Variants in EPS8 observed in about 807,000 individuals in gnomAD.
EPS8 encodes the protein epidermal growth factor receptor kinase substrate 8.
In EPS8, 42 loss-of-function variants were observed where a neutral mutation model predicts 103.8. The observed-to-expected ratio is 0.40, with a 90% CI of 0.32 to 0.52. The LOEUF (loss-of-function observed/expected upper bound fraction) is 0.52, where lower values mean the gene tolerates loss of function less well. Among genes scored for constraint, EPS8 ranks in the 20% least tolerant of loss-of-function variants. EPS8 has a pLI of 0.40. For missense variants in EPS8, 969 were observed against 1,005.1 expected (o/e 0.96, Z 0.49); for synonymous variants, 344 against 344.6 (o/e 1.00, Z 0.02).
Position 15,666,591 on chromosome 12 carries a change from G to A in EPS8, c.517-69C>T, listed in dbSNP as rs1258710970. 9 of 1,089,044 alleles carry A rather than the reference G, an allele frequency of 8.3e-6. No individual in the cohort carries two copies. In the Admixed American group the frequency reaches 9.6e-5, roughly 12 times the overall value. 67.5% of individuals were successfully genotyped at this position (1,089,044 alleles called of 1,614,324 possible). A position where few individuals can be genotyped will look rare whatever the true frequency, so the allele number is the denominator to read the frequency against. ...GAGTCTTGATATGTAGTTTAAAACA[G>A]AAAAAGGGATTGTTCCTTGTCTGAA... On this transcript the variant is annotated intron_variant, in intron 6 of 20. Coordinates refer to ENST00000281172, the MANE Select transcript of EPS8 (RefSeq NM_004447.6).
At chr12:15,765,339 T>C (rs894362441) in intron 1 of EPS8, among the ~76,000 whole-genome samples, 3 of 152,120 alleles carry the variant, frequency 2.0e-5, no homozygotes, top group Non-Finnish European at 4.4e-5. Context: ...GGGTCATGGG[T>C]GCACAATTCC....
rs1365041731 is a variant in EPS8 at position 15,778,854 on chromosome 12, G to A, written c.-22+10307C>T. Among the ~76,000 whole-genome samples, 1 of 152,200 alleles carries A rather than the reference G, an allele frequency of 6.6e-6. No individual in the cohort carries two copies. The highest frequency in any genetic ancestry group is 1.5e-5 in the Non-Finnish European group (1 of 68,032). The stretch of plus-strand genomic sequence containing the variant: ...AAAGAAACTATCAAATGCAGAGTTT[G>A]CATGCCCAGGCAGAAAATAAGTCAT... On this transcript the variant is annotated intron_variant, in intron 1 of 20. Transcript: ENST00000281172. The surrounding 1 kb of genome is among the most constrained non-coding windows in gnomAD (Gnocchi z 4.5).
At chr12:15,763,794 A>G (rs537586223) in intron 1 of EPS8, among the ~76,000 whole-genome samples, 1 of 152,250 alleles carries the variant, frequency 6.6e-6, no homozygotes, top group East Asian at 1.9e-4. Context: ...CAAATTCCAG[A>G]ATGATTTCAC....
chr12:15,631,866 A>C, intron 17 of EPS8: 1 of 485,146 alleles, frequency 2.1e-6, no homozygotes, highest in Non-Finnish European at 3.6e-6. Context: ...CAAAGTCAAA[A>C]CATTAGTTAA....
intron 8 of EPS8, among the ~76,000 whole-genome samples, chr12:15,664,120 G>A (rs1031587107): frequency 6.0e-5 from 9 of 149,878 alleles, no homozygotes; most frequent in East Asian, 1.9e-4. Context: ...CCTCTTCATC[G>A]AAACAGTAAC....
At chr12:15,746,153 T>C (rs1232353705) in intron 1 of EPS8, among the ~76,000 whole-genome samples, 1 of 152,192 alleles carries the variant, frequency 6.6e-6, no homozygotes, top group Non-Finnish European at 1.5e-5. Context: ...TAATTTTTCC[T>C]TGAAGCAGGA....
At chr12:15,630,439 A>G (rs75943208) in intron 18 of EPS8, among the ~76,000 whole-genome samples, 4,570 of 152,258 alleles carry the variant, frequency 0.03, 221 homozygotes, top group African/African-American at 0.1. Context: ...AGTTTTCAAA[A>G]TATCTACACT....
rs1444162067 is a variant in EPS8 at position 15,650,989 on chromosome 12, TC to T, written c.1267del (p.Glu423AsnfsTer20). The T allele has an allele frequency of 6.2e-7, 1 of 1,613,804 alleles. No individual in the cohort carries two copies. The highest frequency in any genetic ancestry group is 8.5e-7 in the Non-Finnish European group (1 of 1,179,888). On this transcript the variant is annotated frameshift_variant, in exon 14 of 21. Transcript: ENST00000281172. LOFTEE classifies it high-confidence loss of function. ...WMKARAEWPK[E>X]QFIPPYVPRF... is the part of the protein sequence containing the mutation. Reference sequence around the variant, plus strand: ...TGGAACATATGGTGGAATAAACTGTTCTTTTGGCCACTCTGCTCTGCAGGAG... The same window carrying T: ...TGGAACATATGGTGGAATAAACTGTTTTTTGGCCACTCTGCTCTGCAGGAG...
intron 16 of EPS8, among the ~76,000 whole-genome samples, chr12:15,641,113 G>A (rs1431405534): frequency 2.0e-5 from 3 of 152,026 alleles, no homozygotes; most frequent in Non-Finnish European, 4.4e-5. Flanking sequence ...AAGGACTAAA[G>A]TACTTAAAGG....
At chr12:15,739,441 G>C (rs533342746) in intron 1 of EPS8, among the ~76,000 whole-genome samples, 5 of 152,164 alleles carry the variant, frequency 3.3e-5, no homozygotes, top group Non-Finnish European at 7.4e-5. Flanking sequence ...GGCCTGGGGA[G>C]GAGGATCTGC....
rs367721789 is a variant in EPS8 at position 15,770,288 on chromosome 12, C to CAAA, written c.-22+18870_-22+18872dup. Among the ~76,000 whole-genome samples the CAAA allele has an allele frequency of 7.3e-4, 87 of 119,616 alleles. 3 individuals are homozygous for CAAA. The highest frequency in any genetic ancestry group is 1.7e-3 in the African/African-American group (52 of 30,328). The allele number at this position is 119,616 out of a possible 152,430, so 78.5% of individuals were successfully genotyped here. A position where few individuals can be genotyped will look rare whatever the true frequency, so the allele number is the denominator to read the frequency against. The stretch of plus-strand genomic sequence containing the variant: ...TGCATGACAGAGCGAGACCCTGTCT[C>CAAA]AAAAAAAAAAAAAAAAGAAGAAGAA... On this transcript the variant is annotated intron_variant, in intron 1 of 20. Transcript: ENST00000281172.
In EPS8 at chr12:15,733,977, G is replaced by A. The variant is rs113756583; in HGVS notation, c.-21-51005C>T. ...GGACTCAAGTGATCCTCCCACCTCAGCCTCCCAAGTCAGTGAGACCCTCAG... is the reference window on the plus strand; with the variant it reads ...GGACTCAAGTGATCCTCCCACCTCAACCTCCCAAGTCAGTGAGACCCTCAG... On this transcript the variant is annotated intron_variant, in intron 1 of 20. Coordinates refer to ENST00000281172, the MANE Select transcript of EPS8 (RefSeq NM_004447.6). The surrounding 1 kb of genome is among the most constrained non-coding windows in gnomAD (Gnocchi z 4.8). Among the ~76,000 whole-genome samples the A allele has an allele frequency of 3.1e-3, 475 of 152,114 alleles. 6 individuals carry two copies. Among genetic ancestry groups the A allele is most frequent in the African/African-American group, 9.6e-3 (398 of 41,506 alleles).
rs1342077955 is a variant in EPS8, at chr12:15,779,018, C to A, written c.-22+10143G>T. On this transcript the variant is annotated intron_variant, in intron 1 of 20. Transcript: ENST00000281172. The surrounding 1 kb of genome is among the most constrained non-coding windows in gnomAD (Gnocchi z 4.3). ...TTGAGATGGAGTTTCACTCTTGTTG[C>A]CCAGGCTGGAGTGCAATGGCGCCAT... Among the ~76,000 whole-genome samples the A allele has an allele frequency of 6.6e-6, 1 of 152,096 alleles. No individual in the cohort carries two copies. Among genetic ancestry groups the A allele is most frequent in the East Asian group, 1.9e-4 (1 of 5,184 alleles).
At position 15,662,087 on chromosome 12, in the gene EPS8, C is replaced by T. The variant is rs1945615483; in HGVS notation, c.749G>A (p.Arg250Lys). 6.2e-7 allele frequency: 1 copy of T among 1,613,662 alleles called. No homozygotes were observed. The highest frequency in any genetic ancestry group is 1.1e-5 in the South Asian group (1 of 91,070). ...AADQGDFEKPRQYHEQEETPE... is the reference protein window; with the variant it reads ...AADQGDFEKPKQYHEQEETPE... ...TGTTTCTTCCTGCTCATGATACTGCCTTGGTTTCTCAACTATAGAAAGGAC... is the reference window on the plus strand; with the variant it reads ...TGTTTCTTCCTGCTCATGATACTGCTTTGGTTTCTCAACTATAGAAAGGAC... Residue 250 changes from arginine to lysine, a missense_variant, in exon 9 of 21, where the codon AGG becomes AAG. By Grantham distance (26) the Arg-to-Lys change is conservative (BLOSUM62 2). Coordinates refer to ENST00000281172, the MANE Select transcript of EPS8 (RefSeq NM_004447.6).
Position 15,775,721 on chromosome 12 carries a change from T to G in EPS8, c.-22+13440A>C, listed in dbSNP as rs1591935980. Among the ~76,000 whole-genome samples, 3 of 152,188 alleles carry G rather than the reference T, an allele frequency of 2.0e-5. No homozygotes were observed. The East Asian group carries it at 5.8e-4, about 29-fold the overall frequency. On this transcript the variant is annotated intron_variant, in intron 1 of 20. Transcript: ENST00000281172. Reference sequence around the variant, plus strand: ...CATTTAGGTGTCTAACATCACGCAGTCCACAAGGATAAGAATGTTGTCTAT... The same window carrying G: ...CATTTAGGTGTCTAACATCACGCAGGCCACAAGGATAAGAATGTTGTCTAT...
chr12:15,729,785 C>T (rs141006535), intron 1 of EPS8, among the ~76,000 whole-genome samples: 36 of 152,160 alleles, frequency 2.4e-4, no homozygotes, highest in South Asian at 1.7e-3. Flanking sequence ...TCACAGAATG[C>T]GTGTATGATT....
chr12:15,679,511 T>A (rs185942880), intron 3 of EPS8, among the ~76,000 whole-genome samples: 93 of 152,322 alleles, frequency 6.1e-4, no homozygotes, highest in African/African-American at 2.1e-3. Context: ...AAGACAAATA[T>A]GGGCCACCTT....
intron 18 of EPS8, among the ~76,000 whole-genome samples, chr12:15,628,539 G>T (rs991977926): frequency 6.6e-6 from 1 of 152,170 alleles, no homozygotes; most frequent in African/African-American, 2.4e-5. Context: ...AGCAACTAAA[G>T]TTTGGCATCT....
rs972687266 is a variant in EPS8 at position 15,716,245 on chromosome 12, C to T, written c.-21-33273G>A. 2.6e-5 allele frequency among the ~76,000 whole-genome samples: 4 copies of T among 151,986 alleles called. No homozygotes were observed. Among genetic ancestry groups the T allele is most frequent in the African/African-American group, 9.7e-5 (4 of 41,348 alleles). ...TTGCTGCTTGGAAACAGACAGTTTC[C>T]TAATAGTAAGTTAACAGGTACAGTT... On this transcript the variant is annotated intron_variant, in intron 1 of 20. Coordinates refer to ENST00000281172, the MANE Select transcript of EPS8 (RefSeq NM_004447.6). This position sits in a 1 kb window ranked among gnomAD's most constrained non-coding sequence, Gnocchi z 5.0.
Sources: allele counts gnomAD v4.1 joint callset (sites outside exome capture counted in the v4.1 genomes callset), GRCh38; gene constraint gnomAD v4.1.1; non-coding constraint Gnocchi (gnomAD v3.1); transcripts MANE v1.5; gene names NCBI Gene and HGNC (gene_info 2026-07-23, HGNC 2026-07-21).